The following AEBP2 variants were observed in gnomAD, a reference collection of about 807,000 sequenced individuals.
The protein encoded by AEBP2 is AE binding protein 2.
In AEBP2, 10 loss-of-function variants were observed where a neutral mutation model predicts 50.8. That is an observed-to-expected ratio of 0.20 (90% CI 0.12 to 0.33). The LOEUF (loss-of-function observed/expected upper bound fraction) is 0.33. Ranked by LOEUF, AEBP2 falls within the 10% of genes least tolerant of loss-of-function variation. AEBP2 has a pLI of 1.00. For synonymous variants in AEBP2, 296 were observed against 261.3 expected (o/e 1.13, Z -1.28); for missense variants, 570 against 688.0 (o/e 0.83, Z 1.92).
intron 5 of AEBP2, among the ~76,000 whole-genome samples, chr12:19,509,900 T>G (rs1269689774): frequency 7.3e-6 from 1 of 137,478 alleles, no homozygotes; most frequent in African/African-American, 2.7e-5. Flanking sequence ...TGGCATGATC[T>G]CGGCTCACTG....
At chr12:19,443,744 A>T (rs1469479069) in intron 1 of AEBP2, among the ~76,000 whole-genome samples, 2 of 152,122 alleles carry the variant, frequency 1.3e-5, no homozygotes, top group African/African-American at 4.8e-5. Context: ...ATTAAATATA[A>T]AGACATAGAT....
intron 1 of AEBP2, among the ~76,000 whole-genome samples, chr12:19,416,011 TG>T (rs2095742413): frequency 6.6e-6 from 1 of 152,050 alleles, no homozygotes; most frequent in African/African-American, 2.4e-5. Flanking sequence ...AAGGAGACAC[TG>T]TCTCTACAAA....
intron 5 of AEBP2, 28 bp from the exon 6 acceptor site, chr12:19,512,370 T>C: frequency 6.9e-7 from 1 of 1,439,780 alleles, no homozygotes; most frequent in South Asian, 1.3e-5. Context: ...CACATTGTTT[T>C]TATGATTTCT....
intron 7 of AEBP2, among the ~76,000 whole-genome samples, chr12:19,517,153 A>G (rs1949331898): frequency 6.6e-6 from 1 of 152,224 alleles, no homozygotes; most frequent in Non-Finnish European, 1.5e-5. Flanking sequence ...CATTTGTCCT[A>G]GTGTACAATC....
chr12:19,462,360 G>T, intron 1 of AEBP2, 150 bp from the exon 2 acceptor site: 10 of 609,964 alleles, frequency 1.6e-5, no homozygotes, highest in East Asian at 3.0e-5. Flanking sequence ...TAATTTAAAA[G>T]CATTGTTGTT....
intron 1 of AEBP2, among the ~76,000 whole-genome samples, chr12:19,417,476 G>A (rs1242993567): frequency 6.6e-6 from 1 of 151,832 alleles, no homozygotes; most frequent in Non-Finnish European, 1.5e-5. Context: ...ATATGATCTC[G>A]GCTCACTGCA....
intron 1 of AEBP2, among the ~76,000 whole-genome samples, chr12:19,443,701 C>T (rs549079633): frequency 1.3e-5 from 2 of 151,798 alleles, no homozygotes; most frequent in South Asian, 2.1e-4. Flanking sequence ...CCAGCGTGGG[C>T]GACAGAGCAA....
At chr12:19,450,223 C>T (rs1238041411) in intron 1 of AEBP2, among the ~76,000 whole-genome samples, 2 of 151,748 alleles carry the variant, frequency 1.3e-5, no homozygotes, top group Non-Finnish European at 2.9e-5. Context: ...CCCCATTGCC[C>T]TGGGAAGGAA....
intron 2 of AEBP2, among the ~76,000 whole-genome samples, chr12:19,469,709 G>A (rs188826341): frequency 1.3e-5 from 2 of 152,300 alleles, no homozygotes; most frequent in South Asian, 2.1e-4. Flanking sequence ...AGCCTCCAGA[G>A]CAGCTGGGAT....
intron 3 of AEBP2, among the ~76,000 whole-genome samples, chr12:19,487,208 C>G (rs1275486600): frequency 6.6e-6 from 1 of 152,038 alleles, no homozygotes; most frequent in East Asian, 1.9e-4. Context: ...TAACCTTCTC[C>G]TAGTCTTCGG....
chr12:19,518,064 G>A, intron 7 of AEBP2, 23 bp from the exon 8 acceptor site: 1 of 1,587,786 alleles, frequency 6.3e-7, no homozygotes, highest in Non-Finnish European at 8.6e-7. Flanking sequence ...TGAATAAAAG[G>A]ATTTCTTTTT....
At chr12:19,490,327 A>G (rs918158312) in intron 3 of AEBP2, among the ~76,000 whole-genome samples, 4 of 152,190 alleles carry the variant, frequency 2.6e-5, no homozygotes, top group Non-Finnish European at 4.4e-5. Flanking sequence ...GAATGGTACA[A>G]AACTAACCCA....
At chr12:19,449,273 A>G (rs1398578723) in intron 1 of AEBP2, among the ~76,000 whole-genome samples, 5 of 152,090 alleles carry the variant, frequency 3.3e-5, no homozygotes, top group Non-Finnish European at 7.4e-5. Flanking sequence ...TTCTTTTTTT[A>G]AACATACCAT....
At chr12:19,434,372 C>T (rs1242536967) in intron 1 of AEBP2, among the ~76,000 whole-genome samples, 1 of 151,922 alleles carries the variant, frequency 6.6e-6, no homozygotes, top group Non-Finnish European at 1.5e-5. Flanking sequence ...GGGGTTTCTC[C>T]ATGTTGGTCA....
chr12:19,498,287 C>T (rs939853986), intron 4 of AEBP2, among the ~76,000 whole-genome samples: 2 of 152,174 alleles, frequency 1.3e-5, no homozygotes, highest in African/African-American at 4.8e-5. Context: ...TCTCAGAACT[C>T]TCCCTTGCTC....
At chr12:19,410,626 A>G (rs540528727) in intron 1 of AEBP2, among the ~76,000 whole-genome samples, 59 of 152,148 alleles carry the variant, frequency 3.9e-4, no homozygotes, top group African/African-American at 1.3e-3. Flanking sequence ...CAACCAAAAG[A>G]TTTTTGTATT....
At chr12:19,473,816 G>A (rs560668667) in intron 3 of AEBP2, among the ~76,000 whole-genome samples, 4 of 152,144 alleles carry the variant, frequency 2.6e-5, no homozygotes, top group Middle Eastern at 3.4e-3. Flanking sequence ...TCTTGTACAC[G>A]CATTGAATTT....
At chr12:19,478,684 C>A (rs1023313118) in intron 3 of AEBP2, among the ~76,000 whole-genome samples, 7 of 152,216 alleles carry the variant, frequency 4.6e-5, no homozygotes, top group African/African-American at 1.7e-4. Context: ...TATTATTGTT[C>A]AAATAATTTT....
chr12:19,478,570 G>A (rs67588785), intron 3 of AEBP2, among the ~76,000 whole-genome samples: 13,710 of 152,190 alleles, frequency 0.09, 702 homozygotes, highest in Middle Eastern at 0.15. Context: ...AATTATAGAC[G>A]TCAACCACCT....
Sources: gnomAD v4.1 joint callset for allele counts (sites outside exome capture counted in the v4.1 genomes callset) on GRCh38, gnomAD v4.1.1 for gene constraint, MANE v1.5 for transcripts, NCBI Gene and HGNC (gene_info 2026-07-23, HGNC 2026-07-21) for gene names.